The following AKAP19 variants were observed in gnomAD, a reference collection of about 807,000 sequenced individuals.
AKAP19 encodes small A-kinase anchoring protein.
chr2:190,153,460 T>C, the AKAP19 span, among the ~76,000 whole-genome samples: 1 of 152,216 alleles, frequency 6.6e-6, no homozygotes, highest in Non-Finnish European at 1.5e-5. Flanking sequence ...ATTTTGGGCA[T>C]CTTTGTCTAG....
the AKAP19 span, among the ~76,000 whole-genome samples, chr2:190,004,278 AT>A: frequency 1.3e-3 from 186 of 147,550 alleles, 1 homozygote; most frequent in Middle Eastern, 0.011. Flanking sequence ...TATAATAATA[AT>A]AAAAAAAAAC....
chr2:190,026,452 T>G, the AKAP19 span, among the ~76,000 whole-genome samples: 1,761 of 152,290 alleles, frequency 0.012, 38 homozygotes, highest in African/African-American at 0.04. Flanking sequence ...AGTTTTAATA[T>G]AATGATATGG....
the AKAP19 span, among the ~76,000 whole-genome samples, chr2:189,931,507 A>T: frequency 6.6e-6 from 1 of 152,140 alleles, no homozygotes; most frequent in Non-Finnish European, 1.5e-5. Flanking sequence ...GACTACAGGT[A>T]CACATCACCA....
chr2:190,125,636 G>A, the AKAP19 span, among the ~76,000 whole-genome samples: 1 of 152,042 alleles, frequency 6.6e-6, no homozygotes, highest in African/African-American at 2.4e-5. Context: ...AAAACAGTCC[G>A]GGATCTTTGT....
the AKAP19 span, among the ~76,000 whole-genome samples, chr2:190,105,538 G>A: frequency 6.6e-6 from 1 of 152,154 alleles, no homozygotes; most frequent in African/African-American, 2.4e-5. Flanking sequence ...GCTCTTTGTT[G>A]AAAAGTACCC....
At chr2:190,135,573 G>T in the AKAP19 span, among the ~76,000 whole-genome samples, 1 of 146,860 alleles carries the variant, frequency 6.8e-6, no homozygotes, top group African/African-American at 2.5e-5. Flanking sequence ...AGGATTATTG[G>T]TTTAGAGCAT....
the AKAP19 span, among the ~76,000 whole-genome samples, chr2:190,178,300 C>G: frequency 6.6e-6 from 1 of 152,226 alleles, no homozygotes; most frequent in Admixed American, 6.5e-5. The surrounding 1 kb of genome is among the most constrained non-coding windows in gnomAD (Gnocchi z 6.3). Context: ...CCATCTTGAC[C>G]AGAAGCATGG....
chr2:190,165,022 T>A, the AKAP19 span, among the ~76,000 whole-genome samples: 1 of 152,218 alleles, frequency 6.6e-6, no homozygotes, highest in African/African-American at 2.4e-5. Flanking sequence ...TTTCCCAAAG[T>A]GGTTGTCTCA....
chr2:190,096,013 G>A, the AKAP19 span, among the ~76,000 whole-genome samples: 3 of 152,158 alleles, frequency 2.0e-5, no homozygotes, highest in African/African-American at 7.2e-5. Flanking sequence ...CCTCGGTGGT[G>A]TGGGTGGCCT....
chr2:190,058,952 A>G, the AKAP19 span, among the ~76,000 whole-genome samples: 13 of 151,890 alleles, frequency 8.6e-5, no homozygotes, highest in Non-Finnish European at 7.4e-5. Context: ...ATGTAGCCAG[A>G]AACCACTTGT....
chr2:189,984,908 G>C, the AKAP19 span, among the ~76,000 whole-genome samples: 4 of 152,046 alleles, frequency 2.6e-5, no homozygotes, highest in Admixed American at 2.6e-4. Flanking sequence ...GGCCCACCAA[G>C]AGTACACAAG....
chr2:190,135,845 C>T, the AKAP19 span, among the ~76,000 whole-genome samples: 1 of 152,200 alleles, frequency 6.6e-6, no homozygotes, highest in Admixed American at 6.5e-5. Flanking sequence ...CATTCTAGAA[C>T]ACATGAAGAT....
At chr2:190,103,940 T>C in the AKAP19 span, among the ~76,000 whole-genome samples, 3 of 152,124 alleles carry the variant, frequency 2.0e-5, no homozygotes, top group Admixed American at 2.0e-4. Context: ...CAAACTATAC[T>C]ATAAGGTCAC....
chr2:189,982,681 A>C, the AKAP19 span, among the ~76,000 whole-genome samples: 1 of 133,636 alleles, frequency 7.5e-6, no homozygotes, highest in East Asian at 2.1e-4. Flanking sequence ...TTTTTTTTAC[A>C]TTTTTTAATC....
the AKAP19 span, among the ~76,000 whole-genome samples, chr2:189,968,010 T>A: frequency 6.6e-6 from 1 of 152,148 alleles, no homozygotes; most frequent in Admixed American, 6.5e-5. Context: ...AAAGTGTTGA[T>A]AAATTTGCAC....
the AKAP19 span, among the ~76,000 whole-genome samples, chr2:190,058,924 C>T: frequency 5.3e-5 from 8 of 151,792 alleles, no homozygotes; most frequent in Non-Finnish European, 1.2e-4. Context: ...TCAGACTTCA[C>T]CACTGTACAA....
the AKAP19 span, among the ~76,000 whole-genome samples, chr2:190,087,346 C>T: frequency 5.9e-5 from 9 of 152,138 alleles, no homozygotes; most frequent in African/African-American, 1.9e-4. Context: ...TTCTTAAGCC[C>T]ACACGTGATC....
the AKAP19 span, among the ~76,000 whole-genome samples, chr2:189,977,220 A>G: frequency 6.6e-6 from 1 of 152,188 alleles, no homozygotes; most frequent in African/African-American, 2.4e-5. Flanking sequence ...AAATTTGTTC[A>G]TTTAATTAGC....
the AKAP19 span, among the ~76,000 whole-genome samples, chr2:190,049,179 T>C: frequency 2.0e-5 from 3 of 152,160 alleles, no homozygotes; most frequent in Non-Finnish European, 4.4e-5. Flanking sequence ...AAGGGCTATC[T>C]TCTTAAATAC....
Sources: allele counts gnomAD v4.1 joint callset (sites outside exome capture counted in the v4.1 genomes callset), GRCh38; gene constraint gnomAD v4.1.1; non-coding constraint Gnocchi (gnomAD v3.1); transcripts MANE v1.5; gene names NCBI Gene and HGNC (gene_info 2026-07-23, HGNC 2026-07-21).